The following SVOPL variants were observed in gnomAD, a reference collection of about 807,000 sequenced individuals.
SVOPL encodes putative transporter SVOPL.
Under a neutral mutation model 61.0 loss-of-function variants are expected in SVOPL, and 60 were observed. The ratio of observed to expected loss-of-function variants is 0.98; its 90% CI spans 0.80 to 1.22. The LOEUF (loss-of-function observed/expected upper bound fraction) is 1.22. SVOPL is among the 50% of genes most tolerant of loss of function. The pLI, the probability that SVOPL is intolerant of heterozygous loss-of-function variation, is 0.00. For missense variants in SVOPL, 662 were observed against 643.9 expected, an observed-to-expected ratio of 1.03 and a Z score of -0.30; for synonymous variants, 279 against 250.0, an observed-to-expected ratio of 1.12 and a Z score of -1.09.
intron 9 of SVOPL, among the ~76,000 whole-genome samples, chr7:138,636,084 A>G (rs568439616): frequency 6.6e-6 from 1 of 152,054 alleles, no homozygotes; most frequent in South Asian, 2.1e-4. Flanking sequence ...GCACACCACT[A>G]CACCCAGCTA....
intron 14 of SVOPL, among the ~76,000 whole-genome samples, chr7:138,608,809 T>C (rs183984086): frequency 1.2e-4 from 18 of 152,252 alleles, no homozygotes; most frequent in Admixed American, 7.9e-4. Context: ...ACTGATACAT[T>C]TGAGTGTCTA....
chr7:138,605,770 T>C (rs1798730392), intron 14 of SVOPL, among the ~76,000 whole-genome samples: 1 of 151,534 alleles, frequency 6.6e-6, no homozygotes, highest in Admixed American at 6.6e-5. Flanking sequence ...TACTGTCAAA[T>C]AAATCTCAAT....
At chr7:138,698,433 G>A (rs1387346696) in intron 1 of SVOPL, among the ~76,000 whole-genome samples, 1 of 152,116 alleles carries the variant, frequency 6.6e-6, no homozygotes, top group East Asian at 1.9e-4. Flanking sequence ...CTAGACTAGA[G>A]GCAGGGTGGC....
At chr7:138,621,292 C>T (rs1192138920) in intron 13 of SVOPL, among the ~76,000 whole-genome samples, 157 bp from the exon 14 acceptor site, 3 of 152,280 alleles carry the variant, frequency 2.0e-5, no homozygotes, top group Non-Finnish European at 2.9e-5. Context: ...CTCAGGTACA[C>T]AACTTTGAAT....
Position 138,628,240 on chromosome 7 carries a change from C to A in SVOPL, c.987G>T (p.Glu329Asp). 6.2e-7 allele frequency: 1 copy of A among 1,614,208 alleles called. No individual in the cohort carries two copies. The highest frequency in any genetic ancestry group is 8.5e-7 in the Non-Finnish European group (1 of 1,180,034). The stretch of plus-strand genomic sequence containing the variant: ...TGTGGCAGTAGCAGGGGCTCTGGCT[C>A]TCCCCTGAGTCCCCCCCAGTCACCA... ...AVVVTGGDSGESQSPCYCHMF... is the reference protein window; with the variant it reads ...AVVVTGGDSGDSQSPCYCHMF... The change falls in exon 11 of 16, where the codon GAG becomes GAT. Residue 329 changes from glutamate (E) to aspartate (D), a missense_variant. Glu to Asp is a conservative substitution (Grantham distance 45). Coordinates refer to ENST00000674285, the MANE Select transcript of SVOPL (RefSeq NM_001139456.2).
At chr7:138,670,791 C>T (rs1170562611) in intron 4 of SVOPL, among the ~76,000 whole-genome samples, 1 of 152,108 alleles carries the variant, frequency 6.6e-6, no homozygotes, top group African/African-American at 2.4e-5. Context: ...GGCAGTTACA[C>T]CCTCATTGAC....
At chr7:138,612,424 T>TAAAAA (rs1281500368) in intron 14 of SVOPL, among the ~76,000 whole-genome samples, 1 of 41,200 alleles carries the variant, frequency 2.4e-5, no homozygotes, top group Non-Finnish European at 5.2e-5. Context: ...AAAAAAAAAA[T>TAAAAA]AAAATAAAAA....
At chr7:138,661,728 A>T in intron 5 of SVOPL, 1 of 858,926 alleles carries the variant, frequency 1.2e-6, no homozygotes. Context: ...AGTGCCCCCA[A>T]ATTCTTTTCT....
chr7:138,656,413 TG>T (rs1801732381), intron 7 of SVOPL, 34 bp downstream of exon 7: 1 of 1,608,506 alleles, frequency 6.2e-7, no homozygotes. Context: ...TCCCATAGGA[TG>T]CCAAAGGCAG....
At chr7:138,657,644 T>C (rs1801810309) in intron 6 of SVOPL, among the ~76,000 whole-genome samples, 1 of 152,308 alleles carries the variant, frequency 6.6e-6, no homozygotes, top group East Asian at 1.9e-4. Flanking sequence ...AATTTGGGGA[T>C]TTTTAACATA....
At chr7:138,619,416 A>G (rs1471699300) in intron 14 of SVOPL, among the ~76,000 whole-genome samples, 1 of 152,036 alleles carries the variant, frequency 6.6e-6, no homozygotes, top group African/African-American at 2.4e-5. Context: ...AAAGAAAAAA[A>G]AAATGACAAC....
At chr7:138,596,168 AAC>A (rs1265134691) in intron 15 of SVOPL, among the ~76,000 whole-genome samples, 1 of 149,090 alleles carries the variant, frequency 6.7e-6, no homozygotes, top group Non-Finnish European at 1.5e-5. Flanking sequence ...CAGCCTGGGC[AAC>A]AGAGTCAGAC....
chr7:138,622,278 C>CTATCTATCTATG (rs1563096854), intron 13 of SVOPL, among the ~76,000 whole-genome samples: 9 of 137,884 alleles, frequency 6.5e-5, no homozygotes, highest in Non-Finnish European at 1.3e-4. Context: ...ATGTATCTAT[C>CTATCTATCTATG]TATCTATCTA....
At chr7:138,654,866 TC>T (rs1309412371) in intron 7 of SVOPL, among the ~76,000 whole-genome samples, 8 of 133,834 alleles carry the variant, frequency 6.0e-5, no homozygotes, top group African/African-American at 2.3e-4. Context: ...CTGTTTCACT[TC>T]CTTTTTTTTT....
Position 138,633,303 on chromosome 7 carries a change from G to A in SVOPL, c.790-3181C>T, listed in dbSNP as rs140676078. On this transcript the variant is annotated intron_variant, in intron 9 of 15. Coordinates refer to ENST00000674285, the MANE Select transcript of SVOPL (RefSeq NM_001139456.2). ...ATGTTGAAATGTGATCCCCAGTGTCGGGGGTGGAGGCTTATGGGAGGTGTT... is the reference window on the plus strand; with the variant it reads ...ATGTTGAAATGTGATCCCCAGTGTCAGGGGTGGAGGCTTATGGGAGGTGTT... 5.1e-3 allele frequency among the ~76,000 whole-genome samples: 770 copies of A among 152,262 alleles called. 9 individuals carry two copies. The highest frequency in any genetic ancestry group is 3.5e-3 in the Non-Finnish European group (238 of 68,018).
intron 1 of SVOPL, chr7:138,689,210 CT>C (rs1802885282): frequency 7.3e-7 from 1 of 1,363,278 alleles, no homozygotes; most frequent in Non-Finnish European, 1.0e-6. Flanking sequence ...AGCAGTGGGG[CT>C]GGACACAAGG....
At chr7:138,601,923 G>A (rs1314929445) in intron 14 of SVOPL, among the ~76,000 whole-genome samples, 1 of 152,110 alleles carries the variant, frequency 6.6e-6, no homozygotes, top group East Asian at 1.9e-4. Flanking sequence ...ATTATCTGAT[G>A]TATTAACTGA....
At chr7:138,685,908 G>T (rs868208373) in intron 1 of SVOPL, among the ~76,000 whole-genome samples, 4 of 151,874 alleles carry the variant, frequency 2.6e-5, no homozygotes, top group Non-Finnish European at 2.9e-5. Context: ...AAATAAAAAG[G>T]CTAGAGGAAA....
chr7:138,620,444 CAAAAAAAA>C lies in SVOPL; in HGVS notation c.1353+594_1353+601del, dbSNP rs3080386. Among the ~76,000 whole-genome samples the C allele has an allele frequency of 6.3e-3, 549 of 87,294 alleles. 4 individuals carry two copies. The highest frequency in any genetic ancestry group is 0.021 in the African/African-American group (500 of 23,508). The allele number at this position is 87,294 out of a possible 152,430, so 57.3% of individuals were successfully genotyped here. The stretch of plus-strand genomic sequence containing the variant: ...GTCTGGATTTCTGTTTCTTTGCAGC[CAAAAAAAA>C]AAAAAAAAAAAGACTGACAAGTGCA... On this transcript the variant is annotated intron_variant, in intron 14 of 15. Coordinates refer to ENST00000674285, the MANE Select transcript of SVOPL (RefSeq NM_001139456.2).
Sources: allele counts gnomAD v4.1 joint callset (sites outside exome capture counted in the v4.1 genomes callset), GRCh38; gene constraint gnomAD v4.1.1; transcripts MANE v1.5; gene names NCBI Gene and HGNC (gene_info 2026-07-23, HGNC 2026-07-21).